Variants in DNAAF5 observed in about 807,000 individuals in gnomAD.
DNAAF5 encodes the protein dynein axonemal assembly factor 5, also known as HEAT repeat containing 2.
A neutral mutation model predicts 75.8 loss-of-function variants in DNAAF5; 64 were observed. That is an observed-to-expected ratio of 0.84 (90% CI 0.69 to 1.04). The LOEUF (loss-of-function observed/expected upper bound fraction) is 1.04, where lower values mean the gene tolerates loss of function less well. Ranked by LOEUF, DNAAF5 falls within the 50% of genes least tolerant of loss-of-function variation. DNAAF5 has a pLI of 0.00. For missense variants in DNAAF5, 1,269 were observed against 1,178.5 expected (o/e 1.08, Z -1.12); for synonymous variants, 657 against 557.2 (o/e 1.18, Z -2.52).
At chr7:741,304 G>A (rs759445631) in intron 3 of DNAAF5, 43 bp from the exon 4 acceptor site, 29 of 1,470,374 alleles carry the variant, frequency 2.0e-5, no homozygotes, top group Admixed American at 7.4e-5. Context: ...CCTCCCCTGC[G>A]TGCCCTGCCC....
chr7:759,958 A>G (rs1782593350), intron 6 of DNAAF5, among the ~76,000 whole-genome samples: 1 of 152,206 alleles, frequency 6.6e-6, no homozygotes, highest in Admixed American at 6.5e-5. Flanking sequence ...GGCCTTAGAG[A>G]AATTGGGCTG....
chr7:741,975 G>A (rs1224227495), intron 4 of DNAAF5, among the ~76,000 whole-genome samples: 1 of 152,202 alleles, frequency 6.6e-6, no homozygotes, highest in Non-Finnish European at 1.5e-5. Context: ...CTGCTGCGTG[G>A]CCTCCCCGCC....
At chr7:783,158 G>A (rs1291800611) in intron 12 of DNAAF5, among the ~76,000 whole-genome samples, 1 of 152,252 alleles carries the variant, frequency 6.6e-6, no homozygotes, top group Non-Finnish European at 1.5e-5. Context: ...GCCGTGCTCT[G>A]CCAGATCCCG....
chr7:727,211 T>C lies in DNAAF5; in HGVS notation c.491T>C (p.Leu164Pro). Residue 164 changes from leucine (L) to proline (P), a missense_variant, in exon 1 of 13, where the codon CTG becomes CCG. Leu to Pro is a moderately conservative substitution (Grantham distance 98, BLOSUM62 -3). Coordinates refer to ENST00000297440, the MANE Select transcript of DNAAF5 (RefSeq NM_017802.4). Reference protein sequence around the residue: ...DLCGAALAPHLDDALRALRCS... With the variant: ...DLCGAALAPHPDDALRALRCS... The stretch of plus-strand genomic sequence containing the variant: ...TGCGGCGCCGCGCTCGCGCCCCACC[T>C]GGACGACGCTCTGCGCGCGCTGCGC... The C allele has an allele frequency of 7.4e-7, 1 of 1,348,580 alleles. No homozygotes were observed. Among genetic ancestry groups the C allele is most frequent in the Non-Finnish European group, 9.5e-7 (1 of 1,048,964 alleles). The allele number at this position is 1,348,580 out of a possible 1,614,324, so 83.5% of individuals were successfully genotyped here. A position where few individuals can be genotyped will look rare whatever the true frequency, so the allele number is the denominator to read the frequency against.
Position 726,894 on chromosome 7 carries a change from G to A in DNAAF5, c.174G>A (p.Glu58=), listed in dbSNP as rs1583467700. 29 of 1,336,860 alleles carry A rather than the reference G, an allele frequency of 2.2e-5. No individual in the cohort carries two copies. The highest frequency in any genetic ancestry group is 2.6e-5 in the Non-Finnish European group (27 of 1,045,352). 82.8% of individuals were successfully genotyped at this position (1,336,860 alleles called of 1,614,324 possible). ...TGGAGGCCCTGCGGCGCGCGCTGGA[G>A]GAGCCAGGCCCTGCCGCCGACCCCA... ...RALEALRRAL[E]EPGPAADPTA... is the part of the protein sequence containing the mutation. The change falls in exon 1 of 13, where the codon GAG becomes GAA. Residue 58 remains glutamate, a synonymous_variant. Transcript: ENST00000297440.
At chr7:740,156 C>G in intron 2 of DNAAF5, among the ~76,000 whole-genome samples, 1 of 152,218 alleles carries the variant, frequency 6.6e-6, no homozygotes, top group Non-Finnish European at 1.5e-5. Context: ...GTTCCCGCTT[C>G]CCTTAAGGAG....
intron 8 of DNAAF5, 38 bp downstream of exon 8, chr7:764,012 C>T: frequency 1.9e-6 from 3 of 1,594,884 alleles, no homozygotes; most frequent in Non-Finnish European, 2.5e-6. Flanking sequence ...GTGCCTGGCC[C>T]CACTCAGGCT....
At chr7:774,019 C>T (rs758943725) in intron 9 of DNAAF5, 29 bp from the exon 10 acceptor site, 6 of 1,613,956 alleles carry the variant, frequency 3.7e-6, no homozygotes, top group Non-Finnish European at 5.1e-6. Context: ...GTCCGGTCTC[C>T]TCATCCACCC....
At chr7:745,463 TAC>T (rs376076192) in intron 4 of DNAAF5, among the ~76,000 whole-genome samples, 5,382 of 152,278 alleles carry the variant, frequency 0.035, 123 homozygotes, top group South Asian at 0.092. Flanking sequence ...CATGCACATG[TAC>T]ACACACACCT....
chr7:757,038 C>G (rs911923906), intron 6 of DNAAF5, 44 bp downstream of exon 6: 10 of 1,536,438 alleles, frequency 6.5e-6, no homozygotes, highest in Non-Finnish European at 8.8e-6. Flanking sequence ...GAGGAGCCTC[C>G]CCTGCCCGGC....
At position 768,671 on chromosome 7, in the gene DNAAF5, C is replaced by T. The variant is rs192077709; in HGVS notation, c.1784-1800C>T. On this transcript the variant is annotated intron_variant, in intron 8 of 12. Transcript: ENST00000297440. ...GGTGGCCCGGGCAGAAGTGTCCGTG[C>T]TGCAAGCAGGAGCGCTCATGCTGGG... The T allele has an allele frequency of 3.9e-3, 612 of 158,664 alleles. 18 individuals carry two copies. The highest frequency in any genetic ancestry group is 0.035 in the Admixed American group (571 of 16,330). 9.8% of individuals were successfully genotyped at this position (158,664 alleles called of 1,614,324 possible). A position where few individuals can be genotyped will look rare whatever the true frequency, so the allele number is the denominator to read the frequency against.
rs2128072874 is a variant in DNAAF5 at position 740,941 on chromosome 7, C to G, written c.903C>G (p.Val301=). The change falls in exon 3 of 13, where the codon GTC becomes GTG. Residue 301 remains valine (V), a splice_region_variant and synonymous_variant. Transcript: ENST00000297440. ...GCCTCAACGACGAGGTGCCTGAGGT[C>G]AGGTACGTGGGCAGGCGGCCGCGGG... ...LSSLNDEVPE[V]RQLAASLWED... The G allele has an allele frequency of 1.2e-6, 2 of 1,612,998 alleles. No individual in the cohort carries two copies. Among genetic ancestry groups the G allele is most frequent in the Admixed American group, 3.3e-5 (2 of 60,022 alleles).
intron 4 of DNAAF5, among the ~76,000 whole-genome samples, chr7:745,023 T>C (rs923693608): frequency 6.6e-6 from 1 of 152,218 alleles, no homozygotes; most frequent in African/African-American, 2.4e-5. Flanking sequence ...GCTGTGGTGC[T>C]CTGTCAGTGC....
chr7:763,426 C>T (rs1458114626), intron 7 of DNAAF5, among the ~76,000 whole-genome samples: 2 of 152,218 alleles, frequency 1.3e-5, no homozygotes, highest in Non-Finnish European at 2.9e-5. Context: ...GTCTGCTGGG[C>T]TTAACTCTTT....
intron 4 of DNAAF5, among the ~76,000 whole-genome samples, chr7:742,736 A>G (rs888725323): frequency 1.4e-5 from 2 of 141,158 alleles, no homozygotes; most frequent in African/African-American, 5.2e-5. Context: ...GCTCAAATCA[A>G]TCAGATGCCC....
At chr7:778,034 G>A (rs746306187) in intron 11 of DNAAF5, 3 of 152,226 alleles carry the variant, frequency 2.0e-5, no homozygotes, top group Non-Finnish European at 4.4e-5. Context: ...CAGATTCACA[G>A]TACACACGGC....
rs776507573 is a variant in DNAAF5 at position 761,811 on chromosome 7, A to G, written c.1529A>G (p.Glu510Gly). The G allele has an allele frequency of 6.2e-7, 1 of 1,608,938 alleles. No individual in the cohort carries two copies. The highest frequency in any genetic ancestry group is 8.5e-7 in the Non-Finnish European group (1 of 1,177,822). ...CAGGCTCTGGTGTCTGTGTGTCATGAGGACTGTGGCGTGGCCAGCCTGCAG... is the reference window on the plus strand; with the variant it reads ...CAGGCTCTGGTGTCTGTGTGTCATGGGGACTGTGGCGTGGCCAGCCTGCAG... Reference protein sequence around the residue: ...CVQALVSVCHEDCGVASLQLL... With the variant: ...CVQALVSVCHGDCGVASLQLL... Residue 510 changes from glutamate (E) to glycine (G), a missense_variant, in exon 7 of 13, where the codon GAG becomes GGG. Physicochemically the swap from Glu to Gly is moderately conservative, Grantham distance 98 (BLOSUM62 -2). Transcript: ENST00000297440.
At chr7:732,928 C>T (rs1405650414) in intron 2 of DNAAF5, among the ~76,000 whole-genome samples, 1 of 152,122 alleles carries the variant, frequency 6.6e-6, no homozygotes, top group Non-Finnish European at 1.5e-5. Context: ...AGATTGAGGT[C>T]TTTAATCTAT....
chr7:759,934 A>T (rs1438839841), intron 6 of DNAAF5, among the ~76,000 whole-genome samples: 1 of 152,218 alleles, frequency 6.6e-6, no homozygotes, highest in Non-Finnish European at 1.5e-5. Context: ...CTCAGAAGTC[A>T]GCCAGTTAGT....
Sources: allele counts gnomAD v4.1 joint callset (sites outside exome capture counted in the v4.1 genomes callset), GRCh38; gene constraint gnomAD v4.1.1; transcripts MANE v1.5; gene names NCBI Gene and HGNC (gene_info 2026-07-23, HGNC 2026-07-21).